Variants in HPCAL1 observed in about 807,000 individuals in gnomAD.
HPCAL1 encodes the protein hippocalcin-like protein 1.
A neutral mutation model predicts 17.1 loss-of-function variants in HPCAL1; 8 were observed. The observed-to-expected ratio is 0.47, with a 90% CI of 0.27 to 0.84. The LOEUF (loss-of-function observed/expected upper bound fraction) is 0.84, where lower values mean the gene tolerates loss of function less well. HPCAL1 is among the 40% of genes least tolerant of loss of function. The pLI, the probability that HPCAL1 is intolerant of heterozygous loss-of-function variation, is 0.13. For synonymous variants in HPCAL1, 112 were observed against 111.4 expected, an observed-to-expected ratio of 1.01 and a Z score of -0.03; for missense variants, 165 against 271.1, an observed-to-expected ratio of 0.61 and a Z score of 2.75.
intron 1 of HPCAL1, among the ~76,000 whole-genome samples, chr2:10,337,106 G>A (rs1314573945): frequency 6.6e-6 from 1 of 152,094 alleles, no homozygotes; most frequent in Non-Finnish European, 1.5e-5. Context: ...GCTATGTGGT[G>A]CGTGTCAGTT....
In HPCAL1 at chr2:10,312,775, C is replaced by T. The variant is rs554295098; in HGVS notation, c.-111+9598C>T. ...CCATCACTGTCATCATCACCATCAT[C>T]GTCATTATCATCATTGTCACCATCG... On this transcript the variant is annotated intron_variant, in intron 1 of 4. Transcript: ENST00000307845. 5.9e-5 allele frequency among the ~76,000 whole-genome samples: 9 copies of T among 152,082 alleles called. No homozygotes were observed. In the East Asian group the frequency reaches 7.7e-4, roughly 13 times the overall value.
At chr2:10,392,278 C>T (rs762945919) in intron 1 of HPCAL1, among the ~76,000 whole-genome samples, 2 of 149,490 alleles carry the variant, frequency 1.3e-5, no homozygotes, top group East Asian at 4.0e-4. Context: ...TGGGCTCAAG[C>T]GATCCTCCCA....
rs1458598659 is a variant in HPCAL1, at chr2:10,331,031, G to A, written c.-111+27854G>A. Reference sequence around the variant, plus strand: ...CCAGTTCTCTGTGTCTTGCCATCTTGGCTTCTTCCTCATCCCGCCTCTCGC... The same window carrying A: ...CCAGTTCTCTGTGTCTTGCCATCTTAGCTTCTTCCTCATCCCGCCTCTCGC... On this transcript the variant is annotated intron_variant, in intron 1 of 4. Coordinates refer to ENST00000307845, the MANE Select transcript of HPCAL1 (RefSeq NM_002149.4). The surrounding 1 kb of genome is among the most constrained non-coding windows in gnomAD (Gnocchi z 5.0). Among the ~76,000 whole-genome samples, 1 of 152,260 alleles carries A rather than the reference G, an allele frequency of 6.6e-6. No homozygotes were observed. Among genetic ancestry groups the A allele is most frequent in the East Asian group, 1.9e-4 (1 of 5,174 alleles).
chr2:10,385,023 G>A (rs1158705548), intron 1 of HPCAL1, among the ~76,000 whole-genome samples: 1 of 151,838 alleles, frequency 6.6e-6, no homozygotes, highest in East Asian at 1.9e-4. Flanking sequence ...GGGAGGTTGA[G>A]GCAGGAGAAT....
intron 1 of HPCAL1, among the ~76,000 whole-genome samples, chr2:10,388,861 C>G (rs1475597411): frequency 6.6e-6 from 1 of 152,178 alleles, no homozygotes; most frequent in Non-Finnish European, 1.5e-5. Context: ...AATTCCTGTG[C>G]TGAGACCCTC....
Position 10,368,235 on chromosome 2 carries a change from ATGTG to A in HPCAL1, c.-110-28591_-110-28588del, listed in dbSNP as rs56867598. Among the ~76,000 whole-genome samples, 20 of 142,158 alleles carry A rather than the reference ATGTG, an allele frequency of 1.4e-4. No individual in the cohort carries two copies. In the South Asian group the frequency reaches 3.7e-3, roughly 26 times the overall value. 93.3% of individuals were successfully genotyped at this position (142,158 alleles called of 152,430 possible). ...GGGGTGTGCGTGTGTACACATATGC[ATGTG>A]TGTGTGTGCATTGTGTGTAGGTTTG... is the stretch of plus-strand genomic sequence containing the variant. On this transcript the variant is annotated intron_variant, in intron 1 of 4. Coordinates refer to ENST00000307845, the MANE Select transcript of HPCAL1 (RefSeq NM_002149.4).
At chr2:10,334,317 G>GTT (rs1231008807) in intron 1 of HPCAL1, among the ~76,000 whole-genome samples, 57 of 140,318 alleles carry the variant, frequency 4.1e-4, no homozygotes, top group East Asian at 3.8e-3. Context: ...ACCCTGTTTT[G>GTT]TTTTGTTTTG....
At position 10,367,353 on chromosome 2, in the gene HPCAL1, C is replaced by T. The variant is rs541118185; in HGVS notation, c.-110-29482C>T. Among the ~76,000 whole-genome samples the T allele has an allele frequency of 1.1e-4, 16 of 151,858 alleles. No individual in the cohort carries two copies. The highest frequency in any genetic ancestry group is 3.9e-4 in the African/African-American group (16 of 41,438). On this transcript the variant is annotated intron_variant, in intron 1 of 4. Transcript: ENST00000307845. The surrounding 1 kb of genome is among the most constrained non-coding windows in gnomAD (Gnocchi z 4.4). ...ACCCAGGCTAGAGTGCGAGCTCGAT[C>T]ATAGCTCACTGCAACCTCAAACTCC...
At chr2:10,380,565 C>T (rs905714298) in intron 1 of HPCAL1, among the ~76,000 whole-genome samples, 2 of 152,242 alleles carry the variant, frequency 1.3e-5, no homozygotes, top group African/African-American at 4.8e-5. Flanking sequence ...AGAGGGCCAC[C>T]TTCCTGCAGG....
intron 1 of HPCAL1, among the ~76,000 whole-genome samples, chr2:10,341,642 G>T (rs1481310321): frequency 6.6e-6 from 1 of 152,068 alleles, no homozygotes; most frequent in Non-Finnish European, 1.5e-5. Flanking sequence ...AACACGAGCC[G>T]TGGGCCTTTC....
At position 10,394,548 on chromosome 2, in the gene HPCAL1, G is replaced by A. The variant is rs1668891102; in HGVS notation, c.-110-2287G>A. On this transcript the variant is annotated intron_variant, in intron 1 of 4. Coordinates refer to ENST00000307845, the MANE Select transcript of HPCAL1 (RefSeq NM_002149.4). The surrounding 1 kb of genome is among the most constrained non-coding windows in gnomAD (Gnocchi z 5.0). The stretch of plus-strand genomic sequence containing the variant: ...CAGCGAGCCCGCGCTATGTGATGCT[G>A]TAATGGTGGGTGCGCATCGGTACAC... 1.3e-5 allele frequency among the ~76,000 whole-genome samples: 2 copies of A among 152,246 alleles called. No homozygotes were observed. The highest frequency in any genetic ancestry group is 2.4e-5 in the African/African-American group (1 of 41,480).
At chr2:10,380,033 G>C (rs1283309363) in intron 1 of HPCAL1, among the ~76,000 whole-genome samples, 1 of 152,194 alleles carries the variant, frequency 6.6e-6, no homozygotes, top group Admixed American at 6.5e-5. Context: ...TGGAGGTCCA[G>C]GCAGGAATTA....
intron 1 of HPCAL1, among the ~76,000 whole-genome samples, chr2:10,334,312 G>GT (rs1267379983): frequency 1.4e-4 from 19 of 138,022 alleles, no homozygotes; most frequent in African/African-American, 4.6e-4. Flanking sequence ...GCAAGACCCT[G>GT]TTTTGTTTTG....
At chr2:10,348,258 T>TG (rs1360928586) in intron 1 of HPCAL1, among the ~76,000 whole-genome samples, 1 of 152,018 alleles carries the variant, frequency 6.6e-6, no homozygotes, top group East Asian at 1.9e-4. Context: ...AAGACCAGCC[T>TG]GCCAACATGG....
intron 1 of HPCAL1, among the ~76,000 whole-genome samples, chr2:10,357,147 C>T (rs1014143762): frequency 1.3e-5 from 2 of 152,140 alleles, no homozygotes; most frequent in Non-Finnish European, 2.9e-5. Context: ...CCAGGCTTGA[C>T]GTAGGAGCCT....
intron 1 of HPCAL1, among the ~76,000 whole-genome samples, chr2:10,305,444 G>C (rs1662559782): frequency 6.6e-6 from 1 of 152,224 alleles, no homozygotes; most frequent in African/African-American, 2.4e-5. Flanking sequence ...CAAAGGGAAG[G>C]CCCGGGGGCC....
Position 10,362,641 on chromosome 2 carries a change from A to G in HPCAL1, c.-110-34194A>G, listed in dbSNP as rs1314886730. ...TCAGCCCCAGGCTGATTATCTGCAG[A>G]CCGGGATCCCATTTCTGCTGCTTTG... On this transcript the variant is annotated intron_variant, in intron 1 of 4. Transcript: ENST00000307845. The surrounding 1 kb of genome is among the most constrained non-coding windows in gnomAD (Gnocchi z 5.0). 1.3e-5 allele frequency among the ~76,000 whole-genome samples: 2 copies of G among 152,158 alleles called. No homozygotes were observed. Among genetic ancestry groups the G allele is most frequent in the Non-Finnish European group, 1.5e-5 (1 of 68,040 alleles).
chr2:10,355,168 G>A (rs961948028), intron 1 of HPCAL1, among the ~76,000 whole-genome samples: 9 of 152,258 alleles, frequency 5.9e-5, no homozygotes, highest in African/African-American at 1.7e-4. Flanking sequence ...AGAGTTTAAC[G>A]GGGCCGGGCG....
chr2:10,331,206 C>T lies in HPCAL1; in HGVS notation c.-111+28029C>T, dbSNP rs545925160. 6.6e-6 allele frequency among the ~76,000 whole-genome samples: 1 copy of T among 152,212 alleles called. No individual in the cohort carries two copies. The highest frequency in any genetic ancestry group is 2.1e-4 in the South Asian group (1 of 4,824). On this transcript the variant is annotated intron_variant, in intron 1 of 4. Transcript: ENST00000307845. The surrounding 1 kb of genome is among the most constrained non-coding windows in gnomAD (Gnocchi z 5.0). ...CTGGGGACAGCCTGGACTCTCCTGC[C>T]TGCCCCCAGGTGCCCCCGGCCCAGC...
Sources: allele counts gnomAD v4.1 joint callset (sites outside exome capture counted in the v4.1 genomes callset), GRCh38; gene constraint gnomAD v4.1.1; non-coding constraint Gnocchi (gnomAD v3.1); transcripts MANE v1.5; gene names NCBI Gene and HGNC (gene_info 2026-07-23, HGNC 2026-07-21).